CNTNAP5: variants seen among roughly 807,000 people sequenced by gnomAD.
The protein encoded by CNTNAP5 is contactin-associated protein-like 5.
Under a neutral mutation model 150.2 loss-of-function variants are expected in CNTNAP5, and 72 were observed. That is an observed-to-expected ratio of 0.48 (90% confidence interval 0.40 to 0.58). CNTNAP5 has a LOEUF of 0.58. CNTNAP5 is among the 20% of genes least tolerant of loss of function. CNTNAP5 has a pLI of 0.00. For missense variants in CNTNAP5, 1,636 were observed against 1,626.2 expected (o/e 1.01, Z -0.10); for synonymous variants, 672 against 619.8 (o/e 1.08, Z -1.25).
chr2:124,890,946 A>C (rs951080659), intron 21 of CNTNAP5, among the ~76,000 whole-genome samples: 1 of 152,140 alleles, frequency 6.6e-6, no homozygotes, highest in Non-Finnish European at 1.5e-5. Context: ...ACCATGTGCC[A>C]GGCAATGAGC....
At chr2:124,624,442 C>T (rs983155018) in intron 12 of CNTNAP5, among the ~76,000 whole-genome samples, 1 of 152,166 alleles carries the variant, frequency 6.6e-6, no homozygotes, top group Admixed American at 6.5e-5. Flanking sequence ...TTATTATCTT[C>T]TCATTTATGT....
chr2:124,519,494 C>A (rs2104881213), intron 8 of CNTNAP5, among the ~76,000 whole-genome samples: 1 of 152,312 alleles, frequency 6.6e-6, no homozygotes, highest in South Asian at 2.1e-4. Context: ...GCATGATGAG[C>A]AAAAGGAGCT....
At chr2:124,613,209 T>C (rs1677422136) in intron 12 of CNTNAP5, among the ~76,000 whole-genome samples, 1 of 152,226 alleles carries the variant, frequency 6.6e-6, no homozygotes, top group Admixed American at 6.5e-5. Flanking sequence ...ATAAGTTGAA[T>C]GTTGTTAAAA....
chr2:124,818,377 G>T (rs1348101943), intron 19 of CNTNAP5, among the ~76,000 whole-genome samples: 1 of 152,002 alleles, frequency 6.6e-6, no homozygotes, highest in African/African-American at 2.4e-5. Flanking sequence ...AATAAAATAA[G>T]CTTGGCATGG....
chr2:124,845,582 A>G (rs922030775), intron 19 of CNTNAP5, among the ~76,000 whole-genome samples: 2 of 151,892 alleles, frequency 1.3e-5, no homozygotes, highest in East Asian at 1.9e-4. Context: ...CTTTGAATTA[A>G]TGATAGAATT....
At chr2:124,538,029 C>T (rs1695280940) in intron 10 of CNTNAP5, among the ~76,000 whole-genome samples, 1 of 152,114 alleles carries the variant, frequency 6.6e-6, no homozygotes. Flanking sequence ...AACCATGAGC[C>T]AGGTGAATTA....
At chr2:124,591,338 A>T (rs561176666) in intron 11 of CNTNAP5, among the ~76,000 whole-genome samples, 1 of 152,152 alleles carries the variant, frequency 6.6e-6, no homozygotes, top group Non-Finnish European at 1.5e-5. Flanking sequence ...GTCATTTCAT[A>T]TACAGTGGAT....
chr2:124,651,199 C>T (rs1319221453), intron 13 of CNTNAP5, among the ~76,000 whole-genome samples: 3 of 152,158 alleles, frequency 2.0e-5, no homozygotes, highest in East Asian at 1.9e-4. Flanking sequence ...TTACCATAGC[C>T]TACTGGCTAT....
intron 11 of CNTNAP5, among the ~76,000 whole-genome samples, chr2:124,599,577 A>T (rs1327056156): frequency 2.6e-5 from 4 of 152,242 alleles, no homozygotes; most frequent in Non-Finnish European, 5.9e-5. Context: ...TACTTTACAT[A>T]ACAAATGTGG....
chr2:124,548,578 A>T (rs948234401), intron 10 of CNTNAP5, among the ~76,000 whole-genome samples: 7 of 152,178 alleles, frequency 4.6e-5, no homozygotes, highest in Non-Finnish European at 7.3e-5. Flanking sequence ...GCTGAGTAGT[A>T]TACTGAGCTT....
rs1553480440 is a variant in CNTNAP5, at chr2:124,567,862, T to TAGATAGATAGATAG, written c.1756+4541_1756+4554dup. ...ATAGATAGATAGATAGATAGATAGATAGATAGATAGATAGATAGATATAGA... is the reference window on the plus strand; with the variant it reads ...ATAGATAGATAGATAGATAGATAGATAGATAGATAGATAGAGATAGATAGATAGATAGATATAGA... On this transcript the variant is annotated intron_variant, in intron 11 of 23. Coordinates refer to ENST00000682447, the MANE Select transcript of CNTNAP5 (RefSeq NM_001367498.1). Among the ~76,000 whole-genome samples the TAGATAGATAGATAG allele has an allele frequency of 3.1e-3, 398 of 128,156 alleles. 3 individuals are homozygous for TAGATAGATAGATAG. The highest frequency in any genetic ancestry group is 0.022 in the East Asian group (97 of 4,440). 84.1% of individuals were successfully genotyped at this position (128,156 alleles called of 152,430 possible). A position where few individuals can be genotyped will look rare whatever the true frequency, so the allele number is the denominator to read the frequency against.
rs1558966029 is a variant in CNTNAP5, at chr2:124,588,177, C to CTTCCTTCT, written c.1757-21621_1757-21620insCTTCTTTC. Reference sequence around the variant, plus strand: ...TTCCTTTTCCTTCCTTCCTTCCTTCCTTCTTTCTTTCTTTCTTTCTTTCTT... The same window carrying CTTCCTTCT: ...TTCCTTTTCCTTCCTTCCTTCCTTCCTTCCTTCTTTCTTTCTTTCTTTCTTTCTTTCTT... On this transcript the variant is annotated intron_variant, in intron 11 of 23. Transcript: ENST00000682447. Among the ~76,000 whole-genome samples, 951 of 110,728 alleles carry CTTCCTTCT rather than the reference C, an allele frequency of 8.6e-3. 8 individuals carry two copies. Among genetic ancestry groups the CTTCCTTCT allele is most frequent in the Middle Eastern group, 0.015 (3 of 200 alleles). The allele number at this position is 110,728 out of a possible 152,430, so 72.6% of individuals were successfully genotyped here. A position where few individuals can be genotyped will look rare whatever the true frequency, so the allele number is the denominator to read the frequency against.
intron 1 of CNTNAP5, among the ~76,000 whole-genome samples, chr2:124,060,534 A>G (rs929084129): frequency 6.6e-6 from 1 of 152,184 alleles, no homozygotes; most frequent in African/African-American, 2.4e-5. Context: ...CAAGTATTCT[A>G]TTTGTGGGTA....
At chr2:124,539,408 C>T (rs1695324044) in intron 10 of CNTNAP5, among the ~76,000 whole-genome samples, 1 of 152,132 alleles carries the variant, frequency 6.6e-6, no homozygotes, top group African/African-American at 2.4e-5. Context: ...GCATCAGTCT[C>T]CCTGGTTGTC....
chr2:124,514,959 T>A (rs1230349347), intron 8 of CNTNAP5, among the ~76,000 whole-genome samples: 3 of 152,180 alleles, frequency 2.0e-5, no homozygotes, highest in African/African-American at 7.2e-5. Flanking sequence ...CGTGTGGATG[T>A]TTGATCTCAG....
chr2:124,747,252 A>AT lies in CNTNAP5; in HGVS notation c.2103dup (p.Gly702TrpfsTer5), dbSNP rs1680622371. 1 of 1,613,408 alleles carries AT rather than the reference A, an allele frequency of 6.2e-7. No individual in the cohort carries two copies. The highest frequency in any genetic ancestry group is 8.5e-7 in the Non-Finnish European group (1 of 1,179,680). On this transcript the variant is annotated frameshift_variant, in exon 14 of 24. Transcript: ENST00000682447. LOFTEE classifies it high-confidence loss of function. ...AGATGGAACACCATTTACCTGGTGG[A>AT]TTGGGCGGTCCAATGAAAGGCACCC...
chr2:124,538,290 C>A (rs560539933), intron 10 of CNTNAP5, among the ~76,000 whole-genome samples: 7 of 152,196 alleles, frequency 4.6e-5, no homozygotes, highest in African/African-American at 1.7e-4. Flanking sequence ...ACCAGCCTGT[C>A]CAACACAGCA....
intron 1 of CNTNAP5, among the ~76,000 whole-genome samples, chr2:124,151,734 T>G (rs1684409838): frequency 6.6e-6 from 1 of 152,210 alleles, no homozygotes; most frequent in Non-Finnish European, 1.5e-5. Flanking sequence ...TTCACCCCTG[T>G]CTCCCTAGCC....
intron 2 of CNTNAP5, among the ~76,000 whole-genome samples, chr2:124,234,420 C>T (rs1038281969): frequency 9.2e-5 from 14 of 152,106 alleles, no homozygotes; most frequent in African/African-American, 1.9e-4. Flanking sequence ...AGTATTTAAA[C>T]GTGGCTACTG....
Sources: gnomAD v4.1 joint callset for allele counts (sites outside exome capture counted in the v4.1 genomes callset) on GRCh38, gnomAD v4.1.1 for gene constraint, MANE v1.5 for transcripts, NCBI Gene and HGNC (gene_info 2026-07-23, HGNC 2026-07-21) for gene names.